Variants in ZNF609 observed in about 807,000 individuals in gnomAD.
ZNF609 encodes the protein zinc finger protein 609.
A neutral mutation model predicts 109.5 loss-of-function variants in ZNF609; 11 were observed. The ratio of observed to expected loss-of-function variants is 0.10; its 90% CI spans 0.06 to 0.17. ZNF609 has a LOEUF of 0.17. Ranked by LOEUF, ZNF609 falls within the 10% of genes least tolerant of loss-of-function variation. The pLI, the probability that ZNF609 is intolerant of heterozygous loss-of-function variation, is 1.00. For missense variants in ZNF609, 1,559 were observed against 1,772.4 expected (o/e 0.88, Z 2.16); for synonymous variants, 646 against 662.0 (o/e 0.98, Z 0.37).
chr15:64,528,345 C>T (rs570347288), intron 2 of ZNF609, among the ~76,000 whole-genome samples: 1 of 151,434 alleles, frequency 6.6e-6, no homozygotes, highest in South Asian at 2.1e-4. Flanking sequence ...GATCCAGAAT[C>T]CTGGCTCTTT....
At position 64,645,009 on chromosome 15, in the gene ZNF609, C is replaced by CT. The variant is rs199835165; in HGVS notation, c.973+21959dup. Among the ~76,000 whole-genome samples the CT allele has an allele frequency of 1.7e-3, 229 of 134,620 alleles. 1 individual carries two copies. The highest frequency in any genetic ancestry group is 5.3e-3 in the African/African-American group (166 of 31,156). The allele number at this position is 134,620 out of a possible 152,430, so 88.3% of individuals were successfully genotyped here. A position where few individuals can be genotyped will look rare whatever the true frequency, so the allele number is the denominator to read the frequency against. ...TCTTTCTTTCTTTCTTTCTTTCTTT[C>CT]TTCCTTCCTTCCTTCCTTCCTTTCT... On this transcript the variant is annotated intron_variant, in intron 3 of 9. Coordinates refer to ENST00000326648, the MANE Select transcript of ZNF609 (RefSeq NM_015042.2).
intron 2 of ZNF609, among the ~76,000 whole-genome samples, chr15:64,618,467 A>G (rs1037870716): frequency 7.9e-5 from 12 of 152,306 alleles, no homozygotes; most frequent in African/African-American, 1.7e-4. Flanking sequence ...TGTTAGCTCA[A>G]TTAGACCCCT....
intron 1 of ZNF609, among the ~76,000 whole-genome samples, chr15:64,481,423 C>G (rs897403955): frequency 8.7e-5 from 13 of 149,538 alleles, no homozygotes; most frequent in African/African-American, 3.0e-4. Context: ...CAGGTTCAAG[C>G]GATTCTTCTG....
rs140410924 is a variant in ZNF609 at position 64,681,256 on chromosome 15, T to C, written c.4163-53T>C. The C allele has an allele frequency of 9.3e-5, 143 of 1,539,958 alleles. 1 individual carries two copies. The East Asian group carries it at 1.5e-3, about 16-fold the overall frequency. On this transcript the variant is annotated intron_variant, in intron 8 of 9. Coordinates refer to ENST00000326648, the MANE Select transcript of ZNF609 (RefSeq NM_015042.2). Reference sequence around the variant, plus strand: ...GCACCCCAAAACTCAGGGAAAAAGATTAATGGAAGGTTTCTGTGAGTGCTA... The same window carrying C: ...GCACCCCAAAACTCAGGGAAAAAGACTAATGGAAGGTTTCTGTGAGTGCTA...
At chr15:64,681,601 A>T (rs2083210270) in intron 9 of ZNF609, 91 bp from the exon 10 acceptor site, 2 of 428,268 alleles carry the variant, frequency 4.7e-6, no homozygotes, top group Admixed American at 3.8e-5. Flanking sequence ...AGTACTGGCC[A>T]CTCCTACAAT....
At chr15:64,487,528 C>T (rs1349026741) in intron 1 of ZNF609, among the ~76,000 whole-genome samples, 7 of 152,114 alleles carry the variant, frequency 4.6e-5, no homozygotes, top group Non-Finnish European at 1.0e-4. Flanking sequence ...AAGATTCCCT[C>T]GTGTTTCTTC....
At chr15:64,588,410 A>G (rs79876258) in intron 2 of ZNF609, among the ~76,000 whole-genome samples, 2,376 of 89,208 alleles carry the variant, frequency 0.027, 93 homozygotes, top group African/African-American at 0.088. Context: ...CCTGCGTAAC[A>G]GAGCGACACT....
At chr15:64,630,164 G>A (rs1476910134) in intron 3 of ZNF609, among the ~76,000 whole-genome samples, 5 of 143,418 alleles carry the variant, frequency 3.5e-5, no homozygotes, top group South Asian at 2.2e-4. Context: ...CTCCACCTAC[G>A]GGGTTCAAGC....
At chr15:64,526,909 C>T (rs1236277445) in intron 2 of ZNF609, among the ~76,000 whole-genome samples, 1 of 152,096 alleles carries the variant, frequency 6.6e-6, no homozygotes, top group African/African-American at 2.4e-5. Context: ...CTCGGCAATC[C>T]CAAAGTGCTG....
chr15:64,481,150 G>T (rs1374406307), intron 1 of ZNF609, among the ~76,000 whole-genome samples: 1 of 152,066 alleles, frequency 6.6e-6, no homozygotes, highest in East Asian at 1.9e-4. Flanking sequence ...AGGGTGAGTG[G>T]AGAGGAAGAT....
chr15:64,594,336 T>A lies in ZNF609; in HGVS notation c.748-28491T>A, dbSNP rs759403592. On this transcript the variant is annotated intron_variant, in intron 2 of 9. Transcript: ENST00000326648. ...GCGAAGACTTGGAGAATGCTCAAAATTTTTTTTTTTTTTTGACACGGGGTC... is the reference window on the plus strand; with the variant it reads ...GCGAAGACTTGGAGAATGCTCAAAAATTTTTTTTTTTTTTGACACGGGGTC... Among the ~76,000 whole-genome samples, 315 of 132,274 alleles carry A rather than the reference T, an allele frequency of 2.4e-3. 3 individuals are homozygous for A. Among genetic ancestry groups the A allele is most frequent in the South Asian group, 4.2e-3 (19 of 4,560 alleles). The allele number at this position is 132,274 out of a possible 152,430, so 86.8% of individuals were successfully genotyped here.
chr15:64,588,273 A>C lies in ZNF609; in HGVS notation c.748-34554A>C, dbSNP rs12916688. ...TCTACTAAAAATACAAAAAAAAAAA[A>C]CAAAAATTAGCCGGGCGTGGTGGCG... On this transcript the variant is annotated intron_variant, in intron 2 of 9. Coordinates refer to ENST00000326648, the MANE Select transcript of ZNF609 (RefSeq NM_015042.2). Among the ~76,000 whole-genome samples the C allele has an allele frequency of 1.2e-3, 149 of 129,276 alleles. 1 individual carries two copies. The highest frequency in any genetic ancestry group is 3.6e-3 in the African/African-American group (129 of 35,398). The allele number at this position is 129,276 out of a possible 152,430, so 84.8% of individuals were successfully genotyped here.
At chr15:64,653,640 C>T (rs150193059) in intron 3 of ZNF609, among the ~76,000 whole-genome samples, 2,185 of 151,794 alleles carry the variant, frequency 0.014, 35 homozygotes, top group African/African-American at 0.048. Context: ...AGCTAGACTC[C>T]GTCTCCAAAA....
chr15:64,664,985 C>G (rs1175716302), intron 3 of ZNF609, among the ~76,000 whole-genome samples: 1 of 152,212 alleles, frequency 6.6e-6, no homozygotes, highest in African/African-American at 2.4e-5. Context: ...CTAAGTCTTA[C>G]CTTCTCTATA....
intron 1 of ZNF609, among the ~76,000 whole-genome samples, chr15:64,462,300 A>G (rs959910104): frequency 6.6e-6 from 1 of 152,220 alleles, no homozygotes; most frequent in South Asian, 2.1e-4. Flanking sequence ...GTGAAGGAAT[A>G]GTGTCTGGTA....
intron 1 of ZNF609, among the ~76,000 whole-genome samples, chr15:64,497,957 G>A (rs908767722): frequency 6.6e-6 from 1 of 151,866 alleles, no homozygotes; most frequent in African/African-American, 2.4e-5. Flanking sequence ...AGAGGAATAA[G>A]CAAGAACAGA....
In ZNF609 at chr15:64,674,919, G is replaced by A. The variant is rs150024527; in HGVS notation, c.2065G>A (p.Ala689Thr). The A allele has an allele frequency of 3.3e-5, 53 of 1,613,646 alleles. No homozygotes were observed. Among genetic ancestry groups the A allele is most frequent in the African/African-American group, 1.3e-4 (10 of 74,816 alleles). Reference sequence around the variant, plus strand: ...CCCAGGCTCTTCCTCAGGCTTGACCGCCACAGTGGCACAAGCCATGCCCAA... The same window carrying A: ...CCCAGGCTCTTCCTCAGGCTTGACCACCACAGTGGCACAAGCCATGCCCAA... ...ASPGSSSGLT[A>T]TVAQAMPNSP... Residue 689 changes from alanine (A) to threonine (T), a missense_variant, in exon 5 of 10, where the codon GCC becomes ACC. Ala to Thr is a moderately conservative substitution (Grantham distance 58, BLOSUM62 0). Coordinates refer to ENST00000326648, the MANE Select transcript of ZNF609 (RefSeq NM_015042.2).
intron 3 of ZNF609, among the ~76,000 whole-genome samples, chr15:64,650,692 C>T (rs983157849): frequency 1.3e-5 from 2 of 151,894 alleles, no homozygotes; most frequent in African/African-American, 4.8e-5. Context: ...AGCATCTCAA[C>T]CTCCTGAAAG....
chr15:64,528,750 T>A (rs1595708505), intron 2 of ZNF609: 1 of 948,338 alleles, frequency 1.1e-6, no homozygotes, highest in East Asian at 2.4e-5. Context: ...GAAATTAGCT[T>A]GACAGAGTGG....
Sources: allele counts gnomAD v4.1 joint callset (sites outside exome capture counted in the v4.1 genomes callset), GRCh38; gene constraint gnomAD v4.1.1; transcripts MANE v1.5; gene names NCBI Gene and HGNC (gene_info 2026-07-23, HGNC 2026-07-21).